Variants in SLC26A7 observed in about 807,000 individuals in gnomAD.
SLC26A7 encodes the protein anion exchange transporter.
In SLC26A7, 59 loss-of-function variants were observed where a neutral mutation model predicts 82.5. That is an observed-to-expected ratio of 0.72 (90% CI 0.58 to 0.89). The LOEUF (loss-of-function observed/expected upper bound fraction) is 0.89. Among genes scored for constraint, SLC26A7 ranks in the 40% least tolerant of loss-of-function variants. The pLI, the probability that SLC26A7 is intolerant of heterozygous loss-of-function variation, is 0.00. For missense variants in SLC26A7, 820 were observed against 793.0 expected, an observed-to-expected ratio of 1.03 and a Z score of -0.41; for synonymous variants, 271 against 274.3, an observed-to-expected ratio of 0.99 and a Z score of 0.12.
chr8:91,358,640 G>A (rs188955048), intron 11 of SLC26A7, among the ~76,000 whole-genome samples: 1 of 152,180 alleles, frequency 6.6e-6, no homozygotes, highest in Admixed American at 6.5e-5. Context: ...GCACACATAT[G>A]TTTGTTGCGG....
At chr8:91,288,943 T>C (rs1811786486) in intron 2 of SLC26A7, among the ~76,000 whole-genome samples, 193 bp from the exon 3 acceptor site, 2 of 152,170 alleles carry the variant, frequency 1.3e-5, no homozygotes, top group Admixed American at 1.3e-4. Flanking sequence ...AAAATAATGG[T>C]TTTTGGAATC....
At chr8:91,331,850 AAAAG>A (rs1343383129) in intron 5 of SLC26A7, among the ~76,000 whole-genome samples, 1 of 152,100 alleles carries the variant, frequency 6.6e-6, no homozygotes, top group Non-Finnish European at 1.5e-5. Flanking sequence ...ATAATTTGAT[AAAAG>A]AAAGAATGCT....
chr8:91,370,696 GA>G (rs1423223301), intron 15 of SLC26A7, among the ~76,000 whole-genome samples: 1 of 151,922 alleles, frequency 6.6e-6, no homozygotes, highest in Non-Finnish European at 1.5e-5. Flanking sequence ...AGATATACAA[GA>G]AAATATGAAT....
chr8:91,377,502 C>T (rs1463795192), intron 15 of SLC26A7, among the ~76,000 whole-genome samples: 1 of 152,192 alleles, frequency 6.6e-6, no homozygotes, highest in Non-Finnish European at 1.5e-5. Flanking sequence ...GGCGCAGTGA[C>T]TCAAGGACAG....
At chr8:91,356,418 A>G (rs1429893041) in intron 11 of SLC26A7, among the ~76,000 whole-genome samples, 1 of 151,972 alleles carries the variant, frequency 6.6e-6, no homozygotes, top group Non-Finnish European at 1.5e-5. Flanking sequence ...AATGATCGCC[A>G]TTCTAACTGG....
At chr8:91,394,063 A>C in intron 18 of SLC26A7, 24 bp downstream of exon 18, 1 of 1,602,014 alleles carries the variant, frequency 6.2e-7, no homozygotes, top group Non-Finnish European at 8.5e-7. Context: ...GTTGGGCTGA[A>C]GGAGTTATAA....
At chr8:91,227,351 A>G (rs916442904) in intron 2 of SLC26A7, among the ~76,000 whole-genome samples, 1 of 152,176 alleles carries the variant, frequency 6.6e-6, no homozygotes, top group African/African-American at 2.4e-5. Context: ...AAAAAGAGAA[A>G]CTCAAGTTTC....
chr8:91,361,655 G>C (rs909961418), intron 11 of SLC26A7, among the ~76,000 whole-genome samples: 1 of 152,040 alleles, frequency 6.6e-6, no homozygotes, highest in Non-Finnish European at 1.5e-5. Context: ...ACAATATCTT[G>C]TTGCAAATTA....
Position 91,398,050 on chromosome 8 carries a change from T to G in SLC26A7, c.*2953T>G, listed in dbSNP as rs1808620979. Reference sequence around the variant, plus strand: ...TATGCTGCAGTTATTTTTTTATATTTTTCAATGCATTTAATTATCTTTTTT... The same window carrying G: ...TATGCTGCAGTTATTTTTTTATATTGTTCAATGCATTTAATTATCTTTTTT... On this transcript the variant is annotated 3_prime_UTR_variant, in exon 19 of 19. Coordinates refer to ENST00000276609, the MANE Select transcript of SLC26A7 (RefSeq NM_052832.4). 1 of 152,538 alleles carries G rather than the reference T, an allele frequency of 6.6e-6. No homozygotes were observed. Among genetic ancestry groups the G allele is most frequent in the Admixed American group, 6.6e-5 (1 of 15,256 alleles). The allele number at this position is 152,538 out of a possible 1,614,324, so 9.4% of individuals were successfully genotyped here. A position where few individuals can be genotyped will look rare whatever the true frequency, so the allele number is the denominator to read the frequency against.
At chr8:91,347,541 G>T (rs1334051560) in intron 9 of SLC26A7, among the ~76,000 whole-genome samples, 1 of 152,000 alleles carries the variant, frequency 6.6e-6, no homozygotes, top group Non-Finnish European at 1.5e-5. Flanking sequence ...TGGTATTTTA[G>T]ATTTCAGCAT....
chr8:91,312,665 GTGT>G (rs1812522492), intron 4 of SLC26A7, among the ~76,000 whole-genome samples: 1 of 151,776 alleles, frequency 6.6e-6, no homozygotes, highest in Non-Finnish European at 1.5e-5. Context: ...GTGTGTGTGT[GTGT>G]GTGTGTTTGA....
chr8:91,354,818 T>A (rs1813817312), intron 11 of SLC26A7, among the ~76,000 whole-genome samples: 1 of 152,142 alleles, frequency 6.6e-6, no homozygotes, highest in African/African-American at 2.4e-5. Flanking sequence ...TTTAGGAGCA[T>A]CATTGGAGGA....
chr8:91,392,452 G>C (rs968838593), intron 16 of SLC26A7, among the ~76,000 whole-genome samples: 1 of 152,142 alleles, frequency 6.6e-6, no homozygotes, highest in Admixed American at 6.5e-5. Context: ...ACCTAAGAAA[G>C]TGTCTAGCAG....
At chr8:91,357,747 A>C (rs1412214196) in intron 11 of SLC26A7, among the ~76,000 whole-genome samples, 1 of 152,228 alleles carries the variant, frequency 6.6e-6, no homozygotes, top group Non-Finnish European at 1.5e-5. Flanking sequence ...ACAAAAGCCA[A>C]AATTGACAAA....
chr8:91,341,670 C>T (rs10101012), intron 8 of SLC26A7, among the ~76,000 whole-genome samples: 48,177 of 152,008 alleles, frequency 0.32, 8,140 homozygotes, highest in African/African-American at 0.4. Context: ...TTCTTTTACT[C>T]GAAACTTCCC....
At chr8:91,318,872 T>C (rs1249848768) in intron 5 of SLC26A7, among the ~76,000 whole-genome samples, 2 of 152,336 alleles carry the variant, frequency 1.3e-5, no homozygotes, top group East Asian at 3.9e-4. Context: ...ATTTGCAACA[T>C]ATTTTTCTAA....
chr8:91,371,424 A>G (rs1814358485), intron 15 of SLC26A7, among the ~76,000 whole-genome samples: 1 of 151,528 alleles, frequency 6.6e-6, no homozygotes, highest in African/African-American at 2.4e-5. Context: ...CCCAGTGTCT[A>G]TTATTTCTAT....
At chr8:91,299,160 AT>A (rs1363775501) in intron 4 of SLC26A7, among the ~76,000 whole-genome samples, 4 of 151,994 alleles carry the variant, frequency 2.6e-5, no homozygotes, top group African/African-American at 9.6e-5. Context: ...AGAGTTTTAG[AT>A]TTTTTTCTCT....
intron 5 of SLC26A7, among the ~76,000 whole-genome samples, chr8:91,319,082 GC>G (rs1453636738): frequency 6.6e-6 from 1 of 152,036 alleles, no homozygotes; most frequent in African/African-American, 2.4e-5. Context: ...TGAGAGTATT[GC>G]CATTCTTAAT....
Sources: allele counts gnomAD v4.1 joint callset (sites outside exome capture counted in the v4.1 genomes callset), GRCh38; gene constraint gnomAD v4.1.1; transcripts MANE v1.5; gene names NCBI Gene and HGNC (gene_info 2026-07-23, HGNC 2026-07-21).